Variants in FRMD4A observed in about 807,000 individuals in gnomAD.
FRMD4A encodes FERM domain containing 4A.
Under a neutral mutation model 129.1 loss-of-function variants are expected in FRMD4A, and 29 were observed. That is an observed-to-expected ratio of 0.22 (90% CI 0.17 to 0.31). FRMD4A has a LOEUF of 0.31. Among genes scored for constraint, FRMD4A ranks in the 10% least tolerant of loss-of-function variants. FRMD4A has a pLI of 1.00. For missense variants in FRMD4A, 1,272 were observed against 1,375.8 expected (o/e 0.92, Z 1.19); for synonymous variants, 634 against 571.6 (o/e 1.11, Z -1.56).
chr10:13,865,064 TC>T (rs202171994), intron 2 of FRMD4A, among the ~76,000 whole-genome samples: 2,987 of 152,266 alleles, frequency 0.02, 115 homozygotes, highest in African/African-American at 0.068. Context: ...AGCCTCAACC[TC>T]CTGGGCTCAA....
chr10:13,657,291 G>A lies in FRMD4A; in HGVS notation c.2298C>T (p.Ala766=). 2 of 1,609,052 alleles carry A rather than the reference G, an allele frequency of 1.2e-6. No individual in the cohort carries two copies. Among genetic ancestry groups the A allele is most frequent in the Non-Finnish European group, 1.7e-6 (2 of 1,179,204 alleles). ...AGTCCTCGGCCAGCGTGGAGTAGTT[G>A]GCGTTCATCTGCGCCGGGTAGTAGT... ...SEHYYPAQMN[A]NYSTLAEDSP... The change falls in exon 22 of 25, where the codon GCC becomes GCT. Residue 766 remains alanine, a synonymous_variant. Coordinates refer to ENST00000357447, the MANE Select transcript of FRMD4A (RefSeq NM_018027.5).
At chr10:13,789,769 A>ATGTGTGTGTGTGTT (rs1554898664) in intron 5 of FRMD4A, among the ~76,000 whole-genome samples, 3 of 130,086 alleles carry the variant, frequency 2.3e-5, no homozygotes, top group Non-Finnish European at 4.8e-5. Flanking sequence ...GCTGCTTATA[A>ATGTGTGTGTGTGTT]TGTGTGTGTG....
intron 2 of FRMD4A, among the ~76,000 whole-genome samples, chr10:13,949,317 A>G (rs962256825): frequency 5.8e-4 from 85 of 145,316 alleles, no homozygotes; most frequent in Middle Eastern, 3.5e-3. Context: ...AAAAAAAAAA[A>G]AGAAAGAAAG....
chr10:13,817,433 C>T (rs1198458097), intron 3 of FRMD4A, among the ~76,000 whole-genome samples: 1 of 152,198 alleles, frequency 6.6e-6, no homozygotes, highest in African/African-American at 2.4e-5. Flanking sequence ...CAAAACAGCA[C>T]TTAACGTGTT....
At chr10:13,770,340 C>T (rs888610105) in intron 6 of FRMD4A, among the ~76,000 whole-genome samples, 14 of 152,308 alleles carry the variant, frequency 9.2e-5, no homozygotes, top group African/African-American at 2.4e-4. Context: ...CTAACTCTGC[C>T]GCGTTGGGAT....
At chr10:14,009,059 G>T (rs1048473712) in intron 2 of FRMD4A, among the ~76,000 whole-genome samples, 2 of 152,100 alleles carry the variant, frequency 1.3e-5, no homozygotes, top group East Asian at 3.9e-4. Context: ...ATTATGTTTC[G>T]TTTTACACGG....
At chr10:14,016,522 C>G (rs1407823957) in intron 2 of FRMD4A, among the ~76,000 whole-genome samples, 6 of 152,226 alleles carry the variant, frequency 3.9e-5, no homozygotes, top group Non-Finnish European at 7.3e-5. Context: ...CACGTTTCAT[C>G]TGCCTGAATT....
In FRMD4A at chr10:13,796,540, G is replaced by C. The variant is rs2093123015; in HGVS notation, c.255C>G (p.Asp85Glu). The C allele has an allele frequency of 1.9e-6, 3 of 1,603,150 alleles. No homozygotes were observed. Among genetic ancestry groups the C allele is most frequent in the Non-Finnish European group, 2.6e-6 (3 of 1,170,016 alleles). ...LQLDRRVLEH[D>E]FPKKSGPVVL... ...CCACGGGTCCTGACTTTTTAGGGAA[G>C]TCATGTTCCAATACTCTTCGATCTA... Residue 85 changes from aspartate to glutamate, a missense_variant, in exon 5 of 25, where the codon GAC (aspartate) becomes GAG (glutamate). By Grantham distance (45) the Asp-to-Glu change is conservative. This residue lies in a region of FRMD4A where 300 missense variants were observed against 483.6 expected (regional missense o/e 0.62). Transcript: ENST00000357447.
chr10:13,693,618 TG>T lies in FRMD4A; in HGVS notation c.1117+279del, dbSNP rs1232276952. Reference sequence around the variant, plus strand: ...TTGCCATGGGGATTGTGAAACGCTCTGGGGGGTACCTGAAGACACTTAAGTG... The same window carrying T: ...TTGCCATGGGGATTGTGAAACGCTCTGGGGGTACCTGAAGACACTTAAGTG... On this transcript the variant is annotated intron_variant, in intron 15 of 24. Coordinates refer to ENST00000357447, the MANE Select transcript of FRMD4A (RefSeq NM_018027.5). 5.4e-6 allele frequency: 4 copies of T among 747,162 alleles called. No homozygotes were observed. In the East Asian group the frequency reaches 1.3e-4, roughly 25 times the overall value. 46.3% of individuals were successfully genotyped at this position (747,162 alleles called of 1,614,324 possible).
At chr10:13,694,728 G>A (rs1180000482) in intron 14 of FRMD4A, among the ~76,000 whole-genome samples, 1 of 152,126 alleles carries the variant, frequency 6.6e-6, no homozygotes, top group East Asian at 1.9e-4. Context: ...TGTAGTCCCA[G>A]CTACTGGGGA....
At chr10:14,004,958 A>G (rs949752028) in intron 2 of FRMD4A, among the ~76,000 whole-genome samples, 5 of 151,900 alleles carry the variant, frequency 3.3e-5, no homozygotes, top group African/African-American at 1.2e-4. Context: ...TATTTATATA[A>G]ACTTTACAGG....
At position 13,684,782 on chromosome 10, in the gene FRMD4A, TCAAAG is replaced by T. The variant is rs912867057; in HGVS notation, c.1117+9111_1117+9115del. 4.1e-6 allele frequency: 4 copies of T among 984,888 alleles called. No homozygotes were observed. In the African/African-American group the frequency reaches 7.0e-5, roughly 17 times the overall value. 61.0% of individuals were successfully genotyped at this position (984,888 alleles called of 1,614,324 possible). A position where few individuals can be genotyped will look rare whatever the true frequency, so the allele number is the denominator to read the frequency against. ...TTCCTCTCTGGAAGGAGGGGAAACT[TCAAAG>T]CAAACAATGCTCCAAAGAAGAAAGG... On this transcript the variant is annotated intron_variant, in intron 15 of 24. Transcript: ENST00000357447.
At chr10:14,293,730 C>A (rs1257563276) in intron 2 of FRMD4A, among the ~76,000 whole-genome samples, 2 of 152,100 alleles carry the variant, frequency 1.3e-5, no homozygotes, top group Non-Finnish European at 1.5e-5. Context: ...TCAGATCCAA[C>A]AATTCCACTT....
At chr10:13,670,314 G>T (rs2083410635) in intron 17 of FRMD4A, 92 bp downstream of exon 17, 18 of 1,341,478 alleles carry the variant, frequency 1.3e-5, no homozygotes, top group Non-Finnish European at 1.7e-5. Context: ...AGGCAGAAAT[G>T]AAGAAATTGG....
intron 2 of FRMD4A, among the ~76,000 whole-genome samples, chr10:13,959,570 T>A (rs1467160131): frequency 6.7e-6 from 1 of 150,138 alleles, no homozygotes; most frequent in African/African-American, 2.4e-5. Context: ...AAAGACCTTT[T>A]AGAGGAGGGT....
intron 2 of FRMD4A, among the ~76,000 whole-genome samples, chr10:14,168,511 T>G (rs1841308981): frequency 6.6e-6 from 1 of 152,220 alleles, no homozygotes; most frequent in Non-Finnish European, 1.5e-5. Context: ...TGAGCACACT[T>G]GACAGGGGTT....
chr10:13,828,505 T>G (rs1461743908), intron 3 of FRMD4A, among the ~76,000 whole-genome samples: 2 of 151,536 alleles, frequency 1.3e-5, no homozygotes, highest in East Asian at 3.9e-4. Context: ...CCATTGTATA[T>G]GTATACCATG....
At chr10:13,705,399 G>A (rs1225752321) in intron 13 of FRMD4A, among the ~76,000 whole-genome samples, 3 of 152,162 alleles carry the variant, frequency 2.0e-5, no homozygotes, top group Non-Finnish European at 4.4e-5. Flanking sequence ...ATTTGTCCAA[G>A]GTGCCTGGGT....
chr10:13,704,447 C>A (rs917083509), intron 13 of FRMD4A, among the ~76,000 whole-genome samples: 2 of 152,150 alleles, frequency 1.3e-5, no homozygotes, highest in African/African-American at 4.8e-5. Context: ...GACCCTCCCT[C>A]ATTTGTTTAT....
Sources: allele counts gnomAD v4.1 joint callset (sites outside exome capture counted in the v4.1 genomes callset), GRCh38; gene constraint gnomAD v4.1.1; regional missense constraint gnomAD v4.1.1; transcripts MANE v1.5; gene names NCBI Gene and HGNC (gene_info 2026-07-23, HGNC 2026-07-21).